The following PDSS2 variants were observed in gnomAD, a reference collection of about 807,000 sequenced individuals.
The protein encoded by PDSS2 is decaprenyl diphosphate synthase subunit 2.
In PDSS2, 31 loss-of-function variants were observed where a neutral mutation model predicts 44.5. The observed-to-expected ratio is 0.70, with a 90% CI of 0.52 to 0.94. The LOEUF (loss-of-function observed/expected upper bound fraction) is 0.94, where lower values mean the gene tolerates loss of function less well. Ranked by LOEUF, PDSS2 falls within the 40% of genes least tolerant of loss-of-function variation. The pLI is 0.00. For missense variants in PDSS2, 452 were observed against 482.2 expected, an observed-to-expected ratio of 0.94 and a Z score of 0.59; for synonymous variants, 157 against 180.3, an observed-to-expected ratio of 0.87 and a Z score of 1.03.
chr6:107,180,750 T>C (rs2114451441), intron 7 of PDSS2, among the ~76,000 whole-genome samples: 1 of 152,306 alleles, frequency 6.6e-6, no homozygotes, highest in African/African-American at 2.4e-5. Context: ...TAATACAAAA[T>C]GGTAAATTGA....
At chr6:107,249,139 T>C (rs1446653753) in intron 3 of PDSS2, among the ~76,000 whole-genome samples, 1 of 152,196 alleles carries the variant, frequency 6.6e-6, no homozygotes, top group Non-Finnish European at 1.5e-5. Context: ...TGGTACTAAG[T>C]TGGCCATATC....
At chr6:107,450,292 A>C (rs745747277) in intron 1 of PDSS2, among the ~76,000 whole-genome samples, 1 of 152,234 alleles carries the variant, frequency 6.6e-6, no homozygotes, top group African/African-American at 2.4e-5. Context: ...AGACAGAATT[A>C]AAACAGTATA....
chr6:107,378,058 AAAAT>A (rs998269690), intron 1 of PDSS2, among the ~76,000 whole-genome samples: 5 of 150,648 alleles, frequency 3.3e-5, no homozygotes, highest in Non-Finnish European at 5.9e-5. Context: ...AATAAAAATA[AAAAT>A]AAATAAATAA....
chr6:107,193,993 A>G, intron 6 of PDSS2, 139 bp from the exon 7 acceptor site: 1 of 679,954 alleles, frequency 1.5e-6, no homozygotes, highest in East Asian at 2.7e-5. Flanking sequence ...ATTGAACTAT[A>G]TATTATAATC....
chr6:107,338,663 G>A (rs1318896795), intron 1 of PDSS2, among the ~76,000 whole-genome samples: 1 of 152,198 alleles, frequency 6.6e-6, no homozygotes, highest in Non-Finnish European at 1.5e-5. Context: ...TGAGAGGGAA[G>A]TAGCCAGGGG....
chr6:107,241,491 C>A (rs915596718), intron 4 of PDSS2, among the ~76,000 whole-genome samples: 36 of 151,390 alleles, frequency 2.4e-4, no homozygotes, highest in African/African-American at 7.7e-4. Flanking sequence ...GGACTACAGG[C>A]GCCCACCACC....
chr6:107,322,010 T>C (rs1330574947), intron 2 of PDSS2, among the ~76,000 whole-genome samples: 1 of 152,190 alleles, frequency 6.6e-6, no homozygotes, highest in Non-Finnish European at 1.5e-5. Flanking sequence ...TCAACCTCAC[T>C]TCCTACCTGA....
intron 4 of PDSS2, among the ~76,000 whole-genome samples, chr6:107,219,578 T>G (rs1484267746): frequency 6.6e-6 from 1 of 152,202 alleles, no homozygotes; most frequent in Non-Finnish European, 1.5e-5. Context: ...TGAGCCACTG[T>G]GCTTGGCCTA....
At chr6:107,440,247 T>C (rs1457781050) in intron 1 of PDSS2, among the ~76,000 whole-genome samples, 2 of 152,232 alleles carry the variant, frequency 1.3e-5, no homozygotes, top group African/African-American at 2.4e-5. Flanking sequence ...GATTTACCTG[T>C]CATGTTGCTA....
chr6:107,332,211 C>T (rs924349644), intron 2 of PDSS2, among the ~76,000 whole-genome samples: 2 of 151,802 alleles, frequency 1.3e-5, no homozygotes, highest in African/African-American at 4.8e-5. Context: ...CTCAAGCGAT[C>T]CTTCCACCTC....
chr6:107,390,583 T>C (rs534625305), intron 1 of PDSS2, among the ~76,000 whole-genome samples: 6 of 152,228 alleles, frequency 3.9e-5, no homozygotes, highest in Admixed American at 1.3e-4. Context: ...GCTGGTAAGA[T>C]CTGAATAAAG....
At position 107,459,289 on chromosome 6, in the gene PDSS2, T is replaced by A; in HGVS notation, c.-4A>T. 1 of 1,613,752 alleles carries A rather than the reference T, an allele frequency of 6.2e-7. No homozygotes were observed. ...ACAGCAGCTGCCGAAAGTTCATGGT[T>A]TGAGTCTGGAAGGGTCTGGGACCTG... On this transcript the variant is annotated 5_prime_UTR_variant, in exon 1 of 8. Transcript: ENST00000369037. This position sits in a 1 kb window ranked among gnomAD's most constrained non-coding sequence, Gnocchi z 4.3.
intron 2 of PDSS2, among the ~76,000 whole-genome samples, chr6:107,281,540 A>G (rs1299254737): frequency 1.3e-5 from 2 of 152,222 alleles, no homozygotes; most frequent in Non-Finnish European, 2.9e-5. Flanking sequence ...GTCCTGTATC[A>G]TTTAGAAGTA....
Position 107,429,900 on chromosome 6 carries a change from AAATATATATATATATATATATAT to A in PDSS2, c.296+29067_296+29089del, listed in dbSNP as rs1415710780. Among the ~76,000 whole-genome samples, 67 of 42,324 alleles carry A rather than the reference AAATATATATATATATATATATAT, an allele frequency of 1.6e-3. 3 individuals carry two copies. Among genetic ancestry groups the A allele is most frequent in the African/African-American group, 5.1e-3 (61 of 11,860 alleles). The allele number at this position is 42,324 out of a possible 152,430, so 27.8% of individuals were successfully genotyped here. On this transcript the variant is annotated intron_variant, in intron 1 of 7. Transcript: ENST00000369037. ...ACTTAGTCTCAAAAAAAAAAAAAAA[AAATATATATATATATATATATAT>A]ATATATATATATATACACCAAACCC... is the stretch of plus-strand genomic sequence containing the variant.
intron 2 of PDSS2, among the ~76,000 whole-genome samples, chr6:107,280,773 A>T (rs1040654733): frequency 2.0e-5 from 3 of 152,266 alleles, no homozygotes; most frequent in African/African-American, 7.2e-5. Context: ...TGATGTTAAA[A>T]TAGCAGAGTT....
At chr6:107,289,094 C>T (rs1246028050) in intron 2 of PDSS2, among the ~76,000 whole-genome samples, 1 of 149,244 alleles carries the variant, frequency 6.7e-6, no homozygotes, top group East Asian at 2.1e-4. Flanking sequence ...AAATGGAGGC[C>T]GGGCGTGGTG....
intron 2 of PDSS2, among the ~76,000 whole-genome samples, chr6:107,306,996 T>C (rs1776880441): frequency 6.6e-6 from 1 of 152,226 alleles, no homozygotes; most frequent in Admixed American, 6.5e-5. Context: ...TACCTTCTTC[T>C]CTCCCACACT....
intron 4 of PDSS2, among the ~76,000 whole-genome samples, chr6:107,229,255 C>T (rs1773949968): frequency 2.0e-5 from 3 of 152,128 alleles, no homozygotes; most frequent in African/African-American, 7.2e-5. Flanking sequence ...GGCGTGATCT[C>T]GGCTCACTGC....
chr6:107,266,822 G>C (rs779135371), intron 3 of PDSS2, among the ~76,000 whole-genome samples: 1 of 152,192 alleles, frequency 6.6e-6, no homozygotes, highest in Non-Finnish European at 1.5e-5. Context: ...TGATGCTTCT[G>C]AATGCAAAAC....
Sources: gnomAD v4.1 joint callset for allele counts (sites outside exome capture counted in the v4.1 genomes callset) on GRCh38, gnomAD v4.1.1 for gene constraint, Gnocchi (gnomAD v3.1) non-coding constraint, MANE v1.5 for transcripts, NCBI Gene and HGNC (gene_info 2026-07-23, HGNC 2026-07-21) for gene names.